The following KLF12 variants were observed in gnomAD, a reference collection of about 807,000 sequenced individuals.
The protein encoded by KLF12 is Krueppel-like factor 12.
A neutral mutation model predicts 37.8 loss-of-function variants in KLF12; 9 were observed. The ratio of observed to expected loss-of-function variants is 0.24; its 90% confidence interval spans 0.14 to 0.42. The LOEUF (loss-of-function observed/expected upper bound fraction) is 0.42. Ranked by LOEUF, KLF12 falls within the 10% of genes least tolerant of loss-of-function variation. The pLI, the probability that KLF12 is intolerant of heterozygous loss-of-function variation, is 1.00. For missense variants in KLF12, 411 were observed against 516.0 expected (o/e 0.80, Z 1.97); for synonymous variants, 208 against 202.1 (o/e 1.03, Z -0.25).
At chr13:73,819,672 G>A (rs940258200) in intron 4 of KLF12, among the ~76,000 whole-genome samples, 1 of 152,142 alleles carries the variant, frequency 6.6e-6, no homozygotes, top group Non-Finnish European at 1.5e-5. Context: ...TATATACTAC[G>A]TCAGATAGTA....
At chr13:74,274,208 CCACT>C in the KLF12 span, among the ~76,000 whole-genome samples, 1 of 152,002 alleles carries the variant, frequency 6.6e-6, no homozygotes, top group Non-Finnish European at 1.5e-5. Flanking sequence ...AAGCTTAAGC[CCACT>C]ACTTCCTCTC....
chr13:73,719,743 AG>A (rs1876096497), intron 6 of KLF12, among the ~76,000 whole-genome samples: 1 of 152,084 alleles, frequency 6.6e-6, no homozygotes. Context: ...CTAGGATTAC[AG>A]GTACATGCCA....
chr13:74,004,182 G>A (rs1279135326), intron 1 of KLF12, among the ~76,000 whole-genome samples: 1 of 152,144 alleles, frequency 6.6e-6, no homozygotes, highest in African/African-American at 2.4e-5. Flanking sequence ...TACAGGAAAG[G>A]AAAGCCACTA....
chr13:74,145,472 G>A, the KLF12 span, among the ~76,000 whole-genome samples: 2 of 152,060 alleles, frequency 1.3e-5, no homozygotes, highest in South Asian at 4.1e-4. Context: ...CTGGGCAGCC[G>A]CTGAGATAAG....
intron 1 of KLF12, among the ~76,000 whole-genome samples, chr13:74,083,418 G>A (rs1298084379): frequency 6.6e-6 from 1 of 151,110 alleles, no homozygotes; most frequent in Non-Finnish European, 1.5e-5. Flanking sequence ...GAGGTGGGAG[G>A]ATCACCTGAG....
At chr13:73,741,700 C>G (rs1198902305) in intron 6 of KLF12, among the ~76,000 whole-genome samples, 2 of 151,828 alleles carry the variant, frequency 1.3e-5, no homozygotes, top group Non-Finnish European at 2.9e-5. Context: ...ATCAATAGCT[C>G]CTTTGGAGCT....
At chr13:74,241,354 A>G in the KLF12 span, among the ~76,000 whole-genome samples, 2 of 152,264 alleles carry the variant, frequency 1.3e-5, no homozygotes, top group East Asian at 3.9e-4. Context: ...CAAAGCTGTC[A>G]GACAGGGACA....
intron 2 of KLF12, among the ~76,000 whole-genome samples, chr13:73,947,278 A>G (rs1174082470): frequency 3.9e-5 from 6 of 152,370 alleles, no homozygotes; most frequent in Admixed American, 3.3e-4. Context: ...AATCATCCAT[A>G]GAATTTGTTA....
At chr13:74,210,886 C>T in the KLF12 span, among the ~76,000 whole-genome samples, 1 of 152,296 alleles carries the variant, frequency 6.6e-6, no homozygotes, top group Non-Finnish European at 1.5e-5. Context: ...CACAGGCATT[C>T]GTAGCCTATT....
chr13:73,734,148 T>C (rs1877269649), intron 6 of KLF12, among the ~76,000 whole-genome samples: 1 of 152,156 alleles, frequency 6.6e-6, no homozygotes, highest in African/African-American at 2.4e-5. Flanking sequence ...GCCTAATTCA[T>C]GTCTCTGACC....
At chr13:73,897,817 C>T (rs1210099827) in intron 3 of KLF12, among the ~76,000 whole-genome samples, 3 of 152,212 alleles carry the variant, frequency 2.0e-5, no homozygotes, top group Middle Eastern at 3.4e-3. Context: ...TGATGCAATG[C>T]CTCTATTAAA....
chr13:73,985,098 A>G (rs1336547113), intron 2 of KLF12, among the ~76,000 whole-genome samples: 1 of 152,208 alleles, frequency 6.6e-6, no homozygotes, highest in Non-Finnish European at 1.5e-5. Context: ...AAGGCGTTGC[A>G]GCCAACAGAC....
chr13:74,266,284 A>C, the KLF12 span, among the ~76,000 whole-genome samples: 38 of 152,286 alleles, frequency 2.5e-4, no homozygotes, highest in African/African-American at 8.4e-4. Context: ...CCAGTAAGTA[A>C]CTAGTCCTAT....
chr13:73,853,155 A>C (rs906889503), intron 3 of KLF12, among the ~76,000 whole-genome samples: 1 of 152,136 alleles, frequency 6.6e-6, no homozygotes, highest in African/African-American at 2.4e-5. Flanking sequence ...GCGTGAGCCT[A>C]CATTTTTAAT....
At chr13:74,173,504 T>G in the KLF12 span, among the ~76,000 whole-genome samples, 1 of 152,178 alleles carries the variant, frequency 6.6e-6, no homozygotes, top group Non-Finnish European at 1.5e-5. Flanking sequence ...CACCAGCCTG[T>G]GTGCTTATGT....
the KLF12 span, among the ~76,000 whole-genome samples, chr13:74,273,776 G>T: frequency 6.6e-6 from 1 of 152,042 alleles, no homozygotes; most frequent in African/African-American, 2.4e-5. Context: ...TCACCCAAAG[G>T]AGTTCAAATA....
chr13:73,888,405 T>A (rs893528513), intron 3 of KLF12, among the ~76,000 whole-genome samples: 1 of 152,248 alleles, frequency 6.6e-6, no homozygotes, highest in African/African-American at 2.4e-5. Flanking sequence ...TCATTAAGAC[T>A]GTGTTTTGAT....
chr13:73,998,950 GTA>G (rs1201652266), intron 1 of KLF12, among the ~76,000 whole-genome samples: 1 of 152,198 alleles, frequency 6.6e-6, no homozygotes, highest in South Asian at 2.1e-4. Flanking sequence ...GACACCTACT[GTA>G]TCTCTTCTGA....
intron 5 of KLF12, among the ~76,000 whole-genome samples, chr13:73,807,315 A>G (rs1302094126): frequency 2.0e-5 from 3 of 151,916 alleles, no homozygotes; most frequent in Non-Finnish European, 2.9e-5. Flanking sequence ...ATCTAAAAAA[A>G]AAAAAAATCA....
Sources: gnomAD v4.1 joint callset for allele counts (sites outside exome capture counted in the v4.1 genomes callset) on GRCh38, gnomAD v4.1.1 for gene constraint, MANE v1.5 for transcripts, NCBI Gene and HGNC (gene_info 2026-07-23, HGNC 2026-07-21) for gene names.